Variants in PTPRT observed in about 807,000 individuals in gnomAD.
The protein encoded by PTPRT is protein tyrosine phosphatase receptor type T.
In PTPRT, 56 loss-of-function variants were observed where a neutral mutation model predicts 176.8. The observed-to-expected ratio is 0.32, with a 90% CI of 0.26 to 0.40. PTPRT has a LOEUF of 0.40. PTPRT is among the 10% of genes least tolerant of loss of function. The pLI is 1.00. For missense variants in PTPRT, 1,540 were observed against 1,908.2 expected (o/e 0.81, Z 3.60); for synonymous variants, 783 against 739.0 (o/e 1.06, Z -0.96).
chr20:42,759,417 G>A (rs2076883222), intron 5 of PTPRT, among the ~76,000 whole-genome samples: 1 of 152,212 alleles, frequency 6.6e-6, no homozygotes, highest in South Asian at 2.1e-4. Context: ...TGTAATCCCA[G>A]CACTTTGGGA....
chr20:43,016,552 C>CTTTTTTTTTTTTTTTTTTTTTT lies in PTPRT; in HGVS notation c.89-130642_89-130621dup, dbSNP rs11482189. Among the ~76,000 whole-genome samples, 4 of 76,220 alleles carry CTTTTTTTTTTTTTTTTTTTTTT rather than the reference C, an allele frequency of 5.2e-5. 1 individual carries two copies. The highest frequency in any genetic ancestry group is 2.8e-4 in the African/African-American group (4 of 14,248). The allele number at this position is 76,220 out of a possible 152,430, so 50.0% of individuals were successfully genotyped here. ...CATTTCTCTAACTGCTCTAAGGCCA[C>CTTTTTTTTTTTTTTTTTTTTTT]TTTTTTTTTTTTTTTTTTTTTTTTT... On this transcript the variant is annotated intron_variant, in intron 1 of 30. Coordinates refer to ENST00000373187, the MANE Select transcript of PTPRT (RefSeq NM_007050.6).
intron 17 of PTPRT, among the ~76,000 whole-genome samples, chr20:42,149,359 C>T (rs1989022310): frequency 6.6e-6 from 1 of 151,522 alleles, no homozygotes; most frequent in Non-Finnish European, 1.5e-5. Context: ...GGTGTTCAAT[C>T]AAGGTCTCGT....
chr20:42,099,382 G>A (rs1985640337), intron 26 of PTPRT, among the ~76,000 whole-genome samples: 1 of 152,120 alleles, frequency 6.6e-6, no homozygotes, highest in African/African-American at 2.4e-5. Context: ...GAGCCGGAAC[G>A]TAAGCCTACT....
At chr20:42,879,295 A>G (rs1165913210) in intron 2 of PTPRT, among the ~76,000 whole-genome samples, 1 of 152,090 alleles carries the variant, frequency 6.6e-6, no homozygotes, top group Non-Finnish European at 1.5e-5. Context: ...AGCTCTAGAG[A>G]AGAACCCGTC....
Position 42,539,423 on chromosome 20 carries a change from C to T in PTPRT, c.1154-66861G>A, listed in dbSNP as rs530639519. Among the ~76,000 whole-genome samples, 10 of 144,098 alleles carry T rather than the reference C, an allele frequency of 6.9e-5. No homozygotes were observed. In the South Asian group the frequency reaches 2.0e-3, roughly 29 times the overall value. 94.5% of individuals were successfully genotyped at this position (144,098 alleles called of 152,430 possible). A position where few individuals can be genotyped will look rare whatever the true frequency, so the allele number is the denominator to read the frequency against. Reference sequence around the variant, plus strand: ...GCCTGGTTAGTACTTGAATGGGAAACCATCACTTTCTTGATCTCTCATTGC... The same window carrying T: ...GCCTGGTTAGTACTTGAATGGGAAATCATCACTTTCTTGATCTCTCATTGC... On this transcript the variant is annotated intron_variant, in intron 7 of 30. Coordinates refer to ENST00000373187, the MANE Select transcript of PTPRT (RefSeq NM_007050.6).
intron 1 of PTPRT, among the ~76,000 whole-genome samples, chr20:43,032,518 G>A (rs1986184537): frequency 8.9e-6 from 1 of 112,940 alleles, no homozygotes; most frequent in Admixed American, 9.4e-5. Flanking sequence ...TAATTAATCT[G>A]AGGGGGGAAA....
At chr20:42,755,799 T>G (rs1199979877) in intron 6 of PTPRT, among the ~76,000 whole-genome samples, 2 of 151,934 alleles carry the variant, frequency 1.3e-5, no homozygotes, top group Non-Finnish European at 2.9e-5. Flanking sequence ...TGACTGCAAA[T>G]GGGGGGGTTT....
intron 1 of PTPRT, among the ~76,000 whole-genome samples, chr20:43,158,329 A>C (rs2014581957): frequency 6.6e-6 from 1 of 152,210 alleles, no homozygotes. Flanking sequence ...TAGGAGTTCA[A>C]TTCTGGACAA....
At chr20:42,538,491 C>T (rs1330816909) in intron 7 of PTPRT, among the ~76,000 whole-genome samples, 1 of 152,122 alleles carries the variant, frequency 6.6e-6, no homozygotes, top group Admixed American at 6.5e-5. Flanking sequence ...CATGTAAAAG[C>T]ATCTTGACCT....
intron 17 of PTPRT, among the ~76,000 whole-genome samples, chr20:42,157,332 C>A (rs1989401121): frequency 6.6e-6 from 1 of 150,418 alleles, no homozygotes; most frequent in Non-Finnish European, 1.5e-5. Context: ...GTATTATTAT[C>A]CAAAGATTTT....
chr20:42,387,380 C>T lies in PTPRT; in HGVS notation c.1561-35095G>A, dbSNP rs118100671. On this transcript the variant is annotated intron_variant, in intron 9 of 30. Transcript: ENST00000373187. ...TTTTCTTGACAATTATATGAAGACA[C>T]CTTATTCAGCACAAGCAGGCTGGCT... Among the ~76,000 whole-genome samples, 44 of 152,254 alleles carry T rather than the reference C, an allele frequency of 2.9e-4. No individual in the cohort carries two copies. The East Asian group carries it at 6.8e-3, about 23-fold the overall frequency.
chr20:42,349,139 C>T (rs1299595499), intron 11 of PTPRT, among the ~76,000 whole-genome samples: 1 of 152,184 alleles, frequency 6.6e-6, no homozygotes, highest in Non-Finnish European at 1.5e-5. Context: ...CAAAAGCCCC[C>T]TTCTGGGCTG....
At chr20:42,549,251 T>C (rs924852407) in intron 7 of PTPRT, among the ~76,000 whole-genome samples, 1 of 151,772 alleles carries the variant, frequency 6.6e-6, no homozygotes, top group African/African-American at 2.4e-5. Flanking sequence ...AAGTAATGTG[T>C]GAAATGTACA....
At chr20:43,166,122 C>T (rs1001229213) in intron 1 of PTPRT, among the ~76,000 whole-genome samples, 17 of 151,936 alleles carry the variant, frequency 1.1e-4, no homozygotes, top group African/African-American at 3.4e-4. Flanking sequence ...GTCAGGAGTT[C>T]GAGACCATCG....
intron 1 of PTPRT, among the ~76,000 whole-genome samples, chr20:43,165,694 C>T (rs886600891): frequency 1.1e-4 from 17 of 152,304 alleles, no homozygotes; most frequent in African/African-American, 1.4e-4. Flanking sequence ...GCAACAGTTT[C>T]GGCTTGGGGC....
At chr20:42,356,488 A>C (rs901512886) in intron 9 of PTPRT, among the ~76,000 whole-genome samples, 17 of 152,246 alleles carry the variant, frequency 1.1e-4, no homozygotes, top group African/African-American at 3.9e-4. Context: ...TGAGGTCGGG[A>C]GTTCGAGACC....
chr20:42,907,465 G>GTT (rs141380581), intron 1 of PTPRT, among the ~76,000 whole-genome samples: 2 of 151,592 alleles, frequency 1.3e-5, no homozygotes, highest in African/African-American at 4.8e-5. Flanking sequence ...AAACATTGAA[G>GTT]TTTTTTTTTA....
chr20:42,470,337 T>C (rs1212300729), intron 8 of PTPRT, among the ~76,000 whole-genome samples: 1 of 152,200 alleles, frequency 6.6e-6, no homozygotes, highest in Non-Finnish European at 1.5e-5. Context: ...TGGCCCACCC[T>C]GAACAGTTCC....
At chr20:42,832,801 T>TA (rs778457370) in intron 2 of PTPRT, among the ~76,000 whole-genome samples, 14,089 of 107,242 alleles carry the variant, frequency 0.13, 1,079 homozygotes, top group South Asian at 0.22. Context: ...TAGGATTTGT[T>TA]AAAAAAAAAA....
Sources: gnomAD v4.1 joint callset for allele counts (sites outside exome capture counted in the v4.1 genomes callset) on GRCh38, gnomAD v4.1.1 for gene constraint, MANE v1.5 for transcripts, NCBI Gene and HGNC (gene_info 2026-07-23, HGNC 2026-07-21) for gene names.